Variants in KCTD1 observed in about 807,000 individuals in gnomAD.
KCTD1 encodes the protein potassium channel tetramerization domain containing 1.
KCTD1 carries 24 observed loss-of-function variants against 66.0 expected under a neutral mutation model. The ratio of observed to expected loss-of-function variants is 0.36; its 90% CI spans 0.26 to 0.51. The LOEUF (loss-of-function observed/expected upper bound fraction) is 0.51. KCTD1 is among the 20% of genes least tolerant of loss of function. KCTD1 has a pLI of 0.95. For synonymous variants in KCTD1, 511 were observed against 517.2 expected (o/e 0.99, Z 0.16); for missense variants, 943 against 1,205.2 (o/e 0.78, Z 3.22).
chr18:26,548,274 T>C lies in KCTD1; in HGVS notation c.263A>G (p.Asp88Gly). 6.6e-7 allele frequency: 1 copy of C among 1,511,804 alleles called. No individual in the cohort carries two copies. Among genetic ancestry groups the C allele is most frequent in the South Asian group, 1.2e-5 (1 of 80,834 alleles). 93.6% of individuals were successfully genotyped at this position (1,511,804 alleles called of 1,614,324 possible). A position where few individuals can be genotyped will look rare whatever the true frequency, so the allele number is the denominator to read the frequency against. ...EEDGGGGLEE[D>G]EEEEEEEEMG... ...CTCCTCCTCTTCCTCCTCCTCCTCG[T>C]CCTCCTCCAGCCCCCCACCTCCGTC... is the stretch of plus-strand genomic sequence containing the variant. The change falls in exon 1 of 5, where the codon GAC (aspartate) becomes GGC (glycine). Residue 88 changes from aspartate (D) to glycine (G), a missense_variant. By Grantham distance (94) the Asp-to-Gly change is moderately conservative (BLOSUM62 -1). Transcript: ENST00000580059.
intron 1 of KCTD1, among the ~76,000 whole-genome samples, chr18:26,534,093 A>G (rs74596525): frequency 0.064 from 9,816 of 152,210 alleles, 350 homozygotes; most frequent in Middle Eastern, 0.095. Flanking sequence ...TATGAGATGG[A>G]TAATCTTACT....
At chr18:26,513,862 G>A (rs957676206) in intron 1 of KCTD1, among the ~76,000 whole-genome samples, 8 of 152,226 alleles carry the variant, frequency 5.3e-5, no homozygotes, top group Non-Finnish European at 1.2e-4. Context: ...CCAAAAGTAT[G>A]AGTGCAAAAA....
chr18:26,566,893 T>C (rs536568367), intron 1 of KCTD1: 1 of 150,708 alleles, frequency 6.6e-6, no homozygotes, highest in African/African-American at 2.4e-5. Context: ...ATGATCTATG[T>C]ATCTGTTCAT....
chr18:26,477,017 G>C (rs1359564420), intron 2 of KCTD1: 6 of 174,378 alleles, frequency 3.4e-5, no homozygotes, highest in Admixed American at 6.3e-5. Flanking sequence ...TTGCTCCAAA[G>C]CATCTTTGAA....
chr18:26,490,707 C>A (rs1456875361), intron 2 of KCTD1, among the ~76,000 whole-genome samples: 1 of 152,086 alleles, frequency 6.6e-6, no homozygotes, highest in Non-Finnish European at 1.5e-5. Flanking sequence ...GCACCGAAGA[C>A]TACTGGCGGA....
chr18:26,456,855 C>T (rs1980114008), intron 4 of KCTD1: 1 of 151,202 alleles, frequency 6.6e-6, no homozygotes, highest in Admixed American at 6.6e-5. Context: ...CAAATGTTTC[C>T]TGCCCGAGTT....
chr18:26,550,036 T>G (rs1389543290), upstream of KCTD1, among the ~76,000 whole-genome samples: 1 of 151,620 alleles, frequency 6.6e-6, no homozygotes, highest in Non-Finnish European at 1.5e-5. This position sits in a 1 kb window ranked among gnomAD's most constrained non-coding sequence, Gnocchi z 5.4. Context: ...CATCCTAACT[T>G]TCACCTTCTC....
At chr18:26,546,585 A>T in intron 1 of KCTD1, 143 bp downstream of exon 1, 1 of 953,246 alleles carries the variant, frequency 1.0e-6, no homozygotes, top group Non-Finnish European at 1.5e-6. Context: ...AAGAGAGTTA[A>T]CTTCTAAGGG....
chr18:26,585,462 GC>G (rs1986452853), intron 1 of KCTD1, among the ~76,000 whole-genome samples: 1 of 152,082 alleles, frequency 6.6e-6, no homozygotes, highest in Non-Finnish European at 1.5e-5. Flanking sequence ...ACATGCAGGG[GC>G]CTCTGTTCAT....
chr18:26,556,933 C>T (rs1010345802), intron 1 of KCTD1, among the ~76,000 whole-genome samples: 1 of 152,178 alleles, frequency 6.6e-6, no homozygotes, highest in Admixed American at 6.5e-5. Context: ...TTAAGTACTA[C>T]ATACAATATT....
At chr18:26,631,397 T>A (rs1021612452), upstream of KCTD1, among the ~76,000 whole-genome samples, 4 of 152,206 alleles carry the variant, frequency 2.6e-5, no homozygotes, top group African/African-American at 4.8e-5. Context: ...GCCACAAACC[T>A]GTACAGCATG....
At chr18:26,629,663 C>G (rs1987574924), upstream of KCTD1, among the ~76,000 whole-genome samples, 1 of 151,842 alleles carries the variant, frequency 6.6e-6, no homozygotes, top group African/African-American at 2.4e-5. Flanking sequence ...GATCAGCATT[C>G]CAGTCCAAGG....
rs191421620 is a variant in KCTD1, at chr18:26,502,240, G to A, written c.1810-990C>T. Among the ~76,000 whole-genome samples the A allele has an allele frequency of 5.5e-3, 842 of 152,224 alleles. 5 individuals carry two copies. The highest frequency in any genetic ancestry group is 0.018 in the African/African-American group (765 of 41,548). On this transcript the variant is annotated intron_variant, in intron 1 of 4. Transcript: ENST00000580059. Reference sequence around the variant, plus strand: ...AATTTTTTGTATTTTTAGTAGAGACGGGGTTTCACCGTGTTAGCCAGGATG... The same window carrying A: ...AATTTTTTGTATTTTTAGTAGAGACAGGGTTTCACCGTGTTAGCCAGGATG...
chr18:26,551,851 C>G (rs538627724), upstream of KCTD1, among the ~76,000 whole-genome samples: 121 of 152,340 alleles, frequency 7.9e-4, 2 homozygotes, highest in Non-Finnish European at 1.2e-3. Flanking sequence ...TTCTGCCTAT[C>G]AGGCAGCATC....
chr18:26,620,833 C>CTTTT (rs67862567), intron 1 of KCTD1, among the ~76,000 whole-genome samples: 3 of 118,326 alleles, frequency 2.5e-5, no homozygotes, highest in African/African-American at 6.4e-5. Context: ...ACTTGAAAAG[C>CTTTT]TTTTTTTTTT....
At chr18:26,580,248 G>C (rs189530668) in intron 1 of KCTD1, among the ~76,000 whole-genome samples, 218 of 152,228 alleles carry the variant, frequency 1.4e-3, no homozygotes, top group African/African-American at 5.2e-3. Context: ...TGCATAATAT[G>C]ATGTCAGGTG....
At chr18:26,601,037 G>A (rs62085484) in intron 1 of KCTD1, among the ~76,000 whole-genome samples, 14,070 of 152,058 alleles carry the variant, frequency 0.093, 718 homozygotes, top group African/African-American at 0.15. Context: ...AGTCATCCAT[G>A]CTCAGTTTGG....
chr18:26,462,387 A>ACT (rs1240824715), intron 3 of KCTD1, among the ~76,000 whole-genome samples: 1 of 151,582 alleles, frequency 6.6e-6, no homozygotes, highest in Non-Finnish European at 1.5e-5. Flanking sequence ...GTGTTCTTTT[A>ACT]CTCTCTCTTG....
At chr18:26,590,908 T>C (rs1986586203) in intron 1 of KCTD1, among the ~76,000 whole-genome samples, 1 of 152,202 alleles carries the variant, frequency 6.6e-6, no homozygotes, top group South Asian at 2.1e-4. Flanking sequence ...CCATGCCTAA[T>C]AGTCCTGATG....
Sources: gnomAD v4.1 joint callset for allele counts (sites outside exome capture counted in the v4.1 genomes callset) on GRCh38, gnomAD v4.1.1 for gene constraint, Gnocchi (gnomAD v3.1) non-coding constraint, MANE v1.5 for transcripts, NCBI Gene and HGNC (gene_info 2026-07-23, HGNC 2026-07-21) for gene names.